PLXNA4: variants seen among roughly 807,000 people sequenced by gnomAD.
PLXNA4 encodes plexin A4.
Under a neutral mutation model 191.8 loss-of-function variants are expected in PLXNA4, and 44 were observed. The observed-to-expected ratio is 0.23, with a 90% CI of 0.18 to 0.29. The LOEUF is 0.29. Ranked by LOEUF, PLXNA4 falls within the 10% of genes least tolerant of loss-of-function variation. PLXNA4 has a pLI of 1.00. For synonymous variants in PLXNA4, 1,082 were observed against 1,009.5 expected, an observed-to-expected ratio of 1.07 and a Z score of -1.36; for missense variants, 1,800 against 2,488.8, an observed-to-expected ratio of 0.72 and a Z score of 5.89.
At chr7:132,252,969 A>G (rs1332589078) in intron 4 of PLXNA4, among the ~76,000 whole-genome samples, 1 of 152,214 alleles carries the variant, frequency 6.6e-6, no homozygotes, top group Non-Finnish European at 1.5e-5. Flanking sequence ...TTAAGACTCA[A>G]TGTTTGTTTT....
chr7:132,440,912 G>A (rs1003402380), intron 3 of PLXNA4, among the ~76,000 whole-genome samples: 2 of 152,154 alleles, frequency 1.3e-5, no homozygotes, highest in African/African-American at 4.8e-5. Flanking sequence ...GACAACATCC[G>A]CTTCTAGAAG....
chr7:132,313,601 G>T (rs927918974), intron 3 of PLXNA4, among the ~76,000 whole-genome samples: 1 of 152,150 alleles, frequency 6.6e-6, no homozygotes, highest in Non-Finnish European at 1.5e-5. Context: ...GAAAGAAGAA[G>T]TGCGGGTCTG....
intron 24 of PLXNA4, among the ~76,000 whole-genome samples, chr7:132,161,960 A>G (rs949827707): frequency 6.6e-6 from 1 of 152,132 alleles, no homozygotes; most frequent in Non-Finnish European, 1.5e-5. Context: ...CACCAGTCCA[A>G]GCTCCAGCAT....
intron 3 of PLXNA4, among the ~76,000 whole-genome samples, chr7:132,486,608 G>T (rs1797568096): frequency 6.6e-6 from 1 of 152,196 alleles, no homozygotes. Context: ...AGGACCGAAG[G>T]CTCATTCCCC....
chr7:132,364,230 G>A (rs551965942), intron 3 of PLXNA4, among the ~76,000 whole-genome samples: 1 of 152,220 alleles, frequency 6.6e-6, no homozygotes, highest in Non-Finnish European at 1.5e-5. Flanking sequence ...TTCACATTTT[G>A]GTTATGACAT....
At chr7:132,265,117 G>A (rs1314234406) in intron 4 of PLXNA4, among the ~76,000 whole-genome samples, 4 of 152,192 alleles carry the variant, frequency 2.6e-5, no homozygotes, top group Non-Finnish European at 4.4e-5. Flanking sequence ...AATAGTGAGC[G>A]GGAAGAGCCC....
intron 3 of PLXNA4, among the ~76,000 whole-genome samples, chr7:132,304,664 C>T (rs1297839358): frequency 6.6e-6 from 1 of 152,154 alleles, no homozygotes; most frequent in East Asian, 1.9e-4. Flanking sequence ...CAATTCTAGA[C>T]TATTCTCTTT....
intron 3 of PLXNA4, among the ~76,000 whole-genome samples, chr7:132,361,483 T>C (rs1034449010): frequency 6.6e-6 from 1 of 152,206 alleles, no homozygotes; most frequent in Admixed American, 6.5e-5. Context: ...GTCTGTCAGC[T>C]GCAGAGAGGC....
intron 2 of PLXNA4, among the ~76,000 whole-genome samples, chr7:132,618,562 GC>G (rs1354198367): frequency 6.6e-6 from 1 of 152,166 alleles, no homozygotes; most frequent in East Asian, 1.9e-4. Context: ...CTCCAGTTCT[GC>G]CTAACTTGGT....
intron 4 of PLXNA4, 101 bp from the exon 5 acceptor site, chr7:132,241,267 A>C: frequency 1.3e-6 from 1 of 791,472 alleles, no homozygotes; most frequent in Non-Finnish European, 2.0e-6. Flanking sequence ...ATCACCTGAA[A>C]TGTTGCAGGA....
At chr7:132,174,983 C>T (rs1796411280) in intron 20 of PLXNA4, 63 bp from the exon 21 acceptor site, 1 of 1,598,092 alleles carries the variant, frequency 6.3e-7, no homozygotes, top group Non-Finnish European at 8.6e-7. Context: ...ACCTCCATCT[C>T]AGAATGCTCA....
chr7:132,150,767 A>G lies in PLXNA4; in HGVS notation c.4661-2121T>C, dbSNP rs374627470. ...AGCACATCTCAGGAGCATCTGAATG[A>G]ATAAACCACATGGCCTGGCCAACTA... On this transcript the variant is annotated intron_variant, in intron 25 of 31. Coordinates refer to ENST00000321063, the MANE Select transcript of PLXNA4 (RefSeq NM_020911.2). Among the ~76,000 whole-genome samples the G allele has an allele frequency of 4.6e-5, 7 of 152,234 alleles. No individual in the cohort carries two copies. In the East Asian group the frequency reaches 9.6e-4, roughly 21 times the overall value.
At chr7:132,473,659 T>C (rs1364823059) in intron 3 of PLXNA4, among the ~76,000 whole-genome samples, 4 of 152,118 alleles carry the variant, frequency 2.6e-5, no homozygotes, top group Non-Finnish European at 5.9e-5. Context: ...AAATAAATAT[T>C]GTCACGTTAA....
intron 5 of PLXNA4, among the ~76,000 whole-genome samples, chr7:132,234,505 T>C (rs1042208681): frequency 2.0e-5 from 3 of 152,042 alleles, no homozygotes; most frequent in African/African-American, 7.2e-5. Context: ...GGGAGGGACA[T>C]TGAGAGCTTG....
chr7:132,352,879 G>T (rs1803547864), intron 3 of PLXNA4, among the ~76,000 whole-genome samples: 2 of 152,090 alleles, frequency 1.3e-5, no homozygotes, highest in African/African-American at 4.8e-5. Context: ...AAAAGTAACA[G>T]ACCTCACCAG....
intron 3 of PLXNA4, among the ~76,000 whole-genome samples, chr7:132,333,595 C>T (rs968786334): frequency 5.3e-5 from 8 of 152,260 alleles, no homozygotes; most frequent in East Asian, 3.9e-4. Context: ...TGGAGGGACA[C>T]GGCCACTGTG....
chr7:132,325,103 T>C (rs1202080154), intron 3 of PLXNA4, among the ~76,000 whole-genome samples: 1 of 152,192 alleles, frequency 6.6e-6, no homozygotes, highest in Non-Finnish European at 1.5e-5. Context: ...TACTGGTTTA[T>C]TCTTCTGGGT....
chr7:132,401,639 T>C lies in PLXNA4; in HGVS notation c.1371+87653A>G, dbSNP rs1793989284. ...ATCAGGACGGGGCATAAGTGGAGAA[T>C]TCAGAGGACGGGAAAGGGCCCTCTA... On this transcript the variant is annotated intron_variant, in intron 3 of 31. Coordinates refer to ENST00000321063, the MANE Select transcript of PLXNA4 (RefSeq NM_020911.2). Among the ~76,000 whole-genome samples, 4 of 152,104 alleles carry C rather than the reference T, an allele frequency of 2.6e-5. No individual in the cohort carries two copies. The South Asian group carries it at 8.3e-4, about 32-fold the overall frequency.
chr7:132,342,216 C>T (rs1300998958), intron 3 of PLXNA4, among the ~76,000 whole-genome samples: 5 of 148,956 alleles, frequency 3.4e-5, no homozygotes, highest in African/African-American at 1.2e-4. Flanking sequence ...AAAATAAAGC[C>T]TGTAAGACAT....
Sources: gnomAD v4.1 joint callset for allele counts (sites outside exome capture counted in the v4.1 genomes callset) on GRCh38, gnomAD v4.1.1 for gene constraint, MANE v1.5 for transcripts, NCBI Gene and HGNC (gene_info 2026-07-23, HGNC 2026-07-21) for gene names.